Variants in PLEKHD1 observed in about 807,000 individuals in gnomAD.
PLEKHD1 encodes the protein pleckstrin homology domain-containing family D member 1.
A neutral mutation model predicts 69.2 loss-of-function variants in PLEKHD1; 51 were observed. That is an observed-to-expected ratio of 0.74 (90% CI 0.59 to 0.93). The LOEUF (loss-of-function observed/expected upper bound fraction) is 0.93, where lower values mean the gene tolerates loss of function less well. Among genes scored for constraint, PLEKHD1 ranks in the 40% least tolerant of loss-of-function variants. The pLI is 0.00. For missense variants in PLEKHD1, 584 were observed against 641.0 expected, an observed-to-expected ratio of 0.91 and a Z score of 0.96; for synonymous variants, 236 against 244.7, an observed-to-expected ratio of 0.96 and a Z score of 0.33.
Position 69,524,242 on chromosome 14 carries a change from A to C in PLEKHD1, c.664A>C (p.Thr222Pro), listed in dbSNP as rs751228199. The change falls in exon 8 of 13, where the codon ACT becomes CCT. Residue 222 changes from threonine (T) to proline (P), a missense_variant. Thr to Pro is a conservative substitution (Grantham distance 38). Coordinates refer to ENST00000322564, the MANE Select transcript of PLEKHD1 (RefSeq NM_001161498.2). ...CTGTCTCCACAGGGAGCTGGAACTG[A>C]CTGCAAGATGCCTTAAGGGTGTAGA... The part of the protein sequence containing the change: ...QEQIKRELEL[T>P]ARCLKGVEQE... 2 of 1,551,574 alleles carry C rather than the reference A, an allele frequency of 1.3e-6. No individual in the cohort carries two copies. The highest frequency in any genetic ancestry group is 1.2e-5 in the South Asian group (1 of 84,052).
Position 69,526,796 on chromosome 14 carries a change from G to A in PLEKHD1, c.1023G>A (p.Thr341=), listed in dbSNP as rs560770595. The A allele has an allele frequency of 1.7e-4, 262 of 1,549,792 alleles. No individual in the cohort carries two copies. The South Asian group carries it at 1.9e-3, about 11-fold the overall frequency. ...QALQNSLQEL[T]AEKQQAEREL... ...TGCAGAACTCGCTGCAGGAGCTGAC[G>A]GCAGAGAAGCAGCAGGCTGAGCGGG... is the stretch of plus-strand genomic sequence containing the variant. Residue 341 remains threonine, a synonymous_variant, in exon 10 of 13, where the codon ACG becomes ACA. Transcript: ENST00000322564.
At chr14:69,475,103 G>A in the PLEKHD1 span, among the ~76,000 whole-genome samples, 1 of 152,212 alleles carries the variant, frequency 6.6e-6, no homozygotes, top group Admixed American at 6.5e-5. Context: ...TGGAGCTAAC[G>A]CTGGTGACCA....
At chr14:69,498,057 ATTTATTTTAT>A (rs778122389) in intron 1 of PLEKHD1, among the ~76,000 whole-genome samples, 2,780 of 124,568 alleles carry the variant, frequency 0.022, 101 homozygotes, top group African/African-American at 0.079. Context: ...ATTTTATTTT[ATTTATTTTAT>A]TTTATTTTAT....
At chr14:69,499,557 A>G (rs1187388973) in intron 1 of PLEKHD1, among the ~76,000 whole-genome samples, 1 of 152,218 alleles carries the variant, frequency 6.6e-6, no homozygotes, top group Non-Finnish European at 1.5e-5. Flanking sequence ...GCCCTCAGTT[A>G]GACCTGAGTC....
At chr14:69,480,099 A>G (rs752630369), upstream of PLEKHD1, among the ~76,000 whole-genome samples, 1 of 152,226 alleles carries the variant, frequency 6.6e-6, no homozygotes, top group Non-Finnish European at 1.5e-5. Context: ...AGGCAGACAG[A>G]CGTGTGTTAG....
At chr14:69,485,604 G>A (rs1466368078) in intron 1 of PLEKHD1, among the ~76,000 whole-genome samples, 2 of 152,328 alleles carry the variant, frequency 1.3e-5, no homozygotes, top group African/African-American at 2.4e-5. Flanking sequence ...CCTTCTGAAA[G>A]GCTCAGGCTA....
intron 1 of PLEKHD1, among the ~76,000 whole-genome samples, chr14:69,494,465 C>T (rs1386637938): frequency 2.0e-5 from 3 of 152,138 alleles, no homozygotes; most frequent in Admixed American, 6.5e-5. Context: ...CCCAGTTCCA[C>T]CTCTGCCCTA....
chr14:69,489,126 C>T (rs1882717293), intron 1 of PLEKHD1, among the ~76,000 whole-genome samples: 2 of 152,260 alleles, frequency 1.3e-5, no homozygotes, highest in South Asian at 4.1e-4. Context: ...GAGCTGCCCT[C>T]CATGGCTGTT....
chr14:69,486,472 T>A (rs1003364944), intron 1 of PLEKHD1, among the ~76,000 whole-genome samples: 4 of 152,104 alleles, frequency 2.6e-5, no homozygotes, highest in African/African-American at 7.2e-5. Context: ...TGGAGTGTAT[T>A]TGGGGAGCTT....
In PLEKHD1 at chr14:69,528,641, G is replaced by A. The variant is rs1446380457; in HGVS notation, c.*222G>A. 1.1e-5 allele frequency: 7 copies of A among 613,514 alleles called. No individual in the cohort carries two copies. The highest frequency in any genetic ancestry group is 2.0e-5 in the Non-Finnish European group (7 of 356,190). The allele number at this position is 613,514 out of a possible 1,614,324, so 38.0% of individuals were successfully genotyped here. A position where few individuals can be genotyped will look rare whatever the true frequency, so the allele number is the denominator to read the frequency against. On this transcript the variant is annotated 3_prime_UTR_variant, in exon 13 of 13. Coordinates refer to ENST00000322564, the MANE Select transcript of PLEKHD1 (RefSeq NM_001161498.2). Reference sequence around the variant, plus strand: ...ACCCCACCTTTGGGTCCACACCAGGGCCATGCAGGCCTGAGCTGGGTGCTG... The same window carrying A: ...ACCCCACCTTTGGGTCCACACCAGGACCATGCAGGCCTGAGCTGGGTGCTG...
chr14:69,470,047 A>C, the PLEKHD1 span, among the ~76,000 whole-genome samples: 1 of 152,114 alleles, frequency 6.6e-6, no homozygotes, highest in Non-Finnish European at 1.5e-5. Flanking sequence ...ATCAGTAATC[A>C]GTAACTAAGG....
chr14:69,468,804 C>T, the PLEKHD1 span, among the ~76,000 whole-genome samples: 1 of 152,168 alleles, frequency 6.6e-6, no homozygotes, highest in African/African-American at 2.4e-5. Context: ...TGGTCTCAAA[C>T]TCCTGATCTC....
intron 6 of PLEKHD1, among the ~76,000 whole-genome samples, chr14:69,513,256 A>G (rs1159885957): frequency 6.6e-6 from 1 of 151,538 alleles, no homozygotes; most frequent in Non-Finnish European, 1.5e-5. Context: ...ATAAAATAAA[A>G]TAAAATAAAA....
intron 6 of PLEKHD1, among the ~76,000 whole-genome samples, chr14:69,504,142 A>G (rs1883099656): frequency 6.6e-6 from 1 of 152,244 alleles, no homozygotes; most frequent in African/African-American, 2.4e-5. Flanking sequence ...TTCCATATAA[A>G]GTGTTTGGCA....
In PLEKHD1 at chr14:69,500,157, G is replaced by C; in HGVS notation, c.192G>C (p.Glu64Asp). Residue 64 changes from glutamate to aspartate, a missense_variant, in exon 2 of 13, where the codon GAG becomes GAC. Transcript: ENST00000322564. ...IKESFLLYYS[E>D]SEKKSFETNK... ...AGAGCTTTCTGCTTTACTACTCTGAGAGCGAAAAAAAGAGCTTTGAAACCA... is the reference window on the plus strand; with the variant it reads ...AGAGCTTTCTGCTTTACTACTCTGACAGCGAAAAAAAGAGCTTTGAAACCA... 1 of 1,550,930 alleles carries C rather than the reference G, an allele frequency of 6.4e-7. No homozygotes were observed. Among genetic ancestry groups the C allele is most frequent in the Non-Finnish European group, 8.7e-7 (1 of 1,146,408 alleles).
upstream of PLEKHD1, among the ~76,000 whole-genome samples, chr14:69,479,983 C>A (rs568595027): frequency 1.3e-5 from 2 of 152,124 alleles, no homozygotes; most frequent in African/African-American, 4.8e-5. Flanking sequence ...GAGGACAAAC[C>A]GATTCAGTAA....
At chr14:69,489,591 A>G (rs1159271077) in intron 1 of PLEKHD1, among the ~76,000 whole-genome samples, 1 of 151,000 alleles carries the variant, frequency 6.6e-6, no homozygotes, top group Non-Finnish European at 1.5e-5. Flanking sequence ...AGGAAAAAAA[A>G]AGAAAGTGAA....
chr14:69,486,795 C>G (rs1465304453), intron 1 of PLEKHD1, among the ~76,000 whole-genome samples: 3 of 152,188 alleles, frequency 2.0e-5, no homozygotes, highest in Non-Finnish European at 4.4e-5. Flanking sequence ...GGAAACTGGT[C>G]TCTGCACCTA....
At chr14:69,515,159 C>T (rs1296918410) in intron 6 of PLEKHD1, among the ~76,000 whole-genome samples, 1 of 152,200 alleles carries the variant, frequency 6.6e-6, no homozygotes, top group South Asian at 2.1e-4. Context: ...GATCACGCCA[C>T]TGCACTCCAG....
Sources: gnomAD v4.1 joint callset for allele counts (sites outside exome capture counted in the v4.1 genomes callset) on GRCh38, gnomAD v4.1.1 for gene constraint, MANE v1.5 for transcripts, NCBI Gene and HGNC (gene_info 2026-07-23, HGNC 2026-07-21) for gene names.